The following FLNC variants were observed in gnomAD, a reference collection of about 807,000 sequenced individuals.
FLNC encodes filamin-C.
Under a neutral mutation model 254.3 loss-of-function variants are expected in FLNC, and 91 were observed. That is an observed-to-expected ratio of 0.36 (90% CI 0.30 to 0.43). The LOEUF (loss-of-function observed/expected upper bound fraction) is 0.43, where lower values mean the gene tolerates loss of function less well. Ranked by LOEUF, FLNC falls within the 20% of genes least tolerant of loss-of-function variation. The pLI is 1.00. For synonymous variants in FLNC, 1,430 were observed against 1,577.2 expected (o/e 0.91, Z 2.21); for missense variants, 2,853 against 3,802.6 (o/e 0.75, Z 6.57).
In FLNC at chr7:128,844,203, T is replaced by G. The variant is rs1160980989; in HGVS notation, c.3129T>G (p.Asp1043Glu). Residue 1043 changes from aspartate to glutamate, a missense_variant, in exon 20 of 48, where the codon GAT becomes GAG. Asp to Glu is a conservative substitution (Grantham distance 45). Around this residue, in one of 10 missense-constraint regions of FLNC, gnomAD observed 1,573 missense variants for 1,883.5 expected, o/e 0.84. Transcript: ENST00000325888. The stretch of plus-strand genomic sequence containing the variant: ...CCTACAAGGTGGATATCACCTACGA[T>G]GGTCACCCGGTGCCTGGCAGCCCGT... ...EGPYKVDITY[D>E]GHPVPGSPFA... 6.2e-7 allele frequency: 1 copy of G among 1,612,906 alleles called. No individual in the cohort carries two copies. Among genetic ancestry groups the G allele is most frequent in the African/African-American group, 1.3e-5 (1 of 74,916 alleles).
chr7:128,848,433 C>T (rs1808656883), intron 26 of FLNC, 128 bp from the exon 27 acceptor site: 1 of 1,039,052 alleles, frequency 9.6e-7, no homozygotes, highest in Non-Finnish European at 1.5e-6. Context: ...GAACTGGTCC[C>T]TCCTCCCTGC....
At chr7:128,846,574 G>A in intron 23 of FLNC, 111 bp downstream of exon 23, 1 of 1,469,784 alleles carries the variant, frequency 6.8e-7, no homozygotes, top group African/African-American at 1.4e-5. Context: ...TCTCTCAGGG[G>A]TGAGGCAGGA....
intron 1 of FLNC, among the ~76,000 whole-genome samples, chr7:128,833,867 A>G (rs917373806): frequency 6.6e-6 from 1 of 151,922 alleles, no homozygotes; most frequent in Admixed American, 6.6e-5. Flanking sequence ...GAGCCAGGGG[A>G]AGGGGGTGGG....
chr7:128,853,662 G>T (rs1373409691), intron 38 of FLNC, 41 bp downstream of exon 38: 1 of 1,613,982 alleles, frequency 6.2e-7, no homozygotes, highest in Admixed American at 1.7e-5. Flanking sequence ...AGACAGGGAG[G>T]CCAGGAGGCT....
At chr7:128,849,060 C>T in intron 28 of FLNC, 78 bp downstream of exon 28, 3 of 1,594,284 alleles carry the variant, frequency 1.9e-6, no homozygotes, top group South Asian at 1.1e-5. Flanking sequence ...GCCTGGTCCC[C>T]AGGGGTCTGC....
In FLNC at chr7:128,858,714, C is replaced by T. The variant is rs1809179663; in HGVS notation, c.*191C>T. On this transcript the variant is annotated 3_prime_UTR_variant, in exon 48 of 48. Transcript: ENST00000325888. The surrounding 1 kb of genome is among the most constrained non-coding windows in gnomAD (Gnocchi z 6.7). The stretch of plus-strand genomic sequence containing the variant: ...CGCCCCAGGGGTTGGAGGACCTTGT[C>T]TGTGTCAGGACAGTGTCCCTCCCTG... 1.6e-6 allele frequency: 1 copy of T among 617,648 alleles called. No individual in the cohort carries two copies. Among genetic ancestry groups the T allele is most frequent in the Non-Finnish European group, 2.9e-6 (1 of 342,960 alleles). 38.3% of individuals were successfully genotyped at this position (617,648 alleles called of 1,614,324 possible). A position where few individuals can be genotyped will look rare whatever the true frequency, so the allele number is the denominator to read the frequency against.
chr7:128,850,217 C>G, intron 31 of FLNC, 143 bp downstream of exon 31: 1 of 921,666 alleles, frequency 1.1e-6, no homozygotes, highest in South Asian at 1.4e-5. Context: ...AGATGGAACC[C>G]CACTTGGGCA....
chr7:128,842,674 G>A lies in FLNC; in HGVS notation c.2365G>A (p.Val789Met), dbSNP rs1331629958. ...GGCCAATGAGCCCACCTACTTCACG[G>A]TGGACTGCAGCGAGGCGGGGCAAGG... ...LKANEPTYFT[V>M]DCSEAGQGDV... Residue 789 changes from valine (V) to methionine (M), a missense_variant, in exon 15 of 48, where the codon GTG (valine) becomes ATG (methionine). Transcript: ENST00000325888. The surrounding 1 kb of genome is among the most constrained non-coding windows in gnomAD (Gnocchi z 5.4). 6.4e-7 allele frequency: 1 copy of A among 1,556,448 alleles called. No individual in the cohort carries two copies. Among genetic ancestry groups the A allele is most frequent in the Non-Finnish European group, 8.7e-7 (1 of 1,149,748 alleles).
chr7:128,848,165 C>G, intron 26 of FLNC, 97 bp downstream of exon 26: 3 of 1,397,880 alleles, frequency 2.1e-6, no homozygotes, highest in Non-Finnish European at 3.0e-6. Flanking sequence ...CCTGGGAGAG[C>G]CTCTCCCAGC....
chr7:128,843,180 A>AG (rs746341397), intron 16 of FLNC, 49 bp from the exon 17 acceptor site: 22 of 1,508,758 alleles, frequency 1.5e-5, no homozygotes, highest in Middle Eastern at 1.9e-4. Context: ...AGCTGAGAGC[A>AG]GGGGTGTGTT....
Position 128,830,437 on chromosome 7 carries a change from G to A in FLNC, c.-201G>A. ...CCCGAGCACCGCTCCGGCCCTGGAGGGAGAGAGAGCCAGAGAGCGGCCGAG... is the reference window on the plus strand; with the variant it reads ...CCCGAGCACCGCTCCGGCCCTGGAGAGAGAGAGAGCCAGAGAGCGGCCGAG... On this transcript the variant is annotated 5_prime_UTR_variant, in exon 1 of 48. Coordinates refer to ENST00000325888, the MANE Select transcript of FLNC (RefSeq NM_001458.5). 1.7e-6 allele frequency: 1 copy of A among 599,228 alleles called. No homozygotes were observed. The highest frequency in any genetic ancestry group is 2.9e-6 in the Non-Finnish European group (1 of 339,930). The allele number at this position is 599,228 out of a possible 1,614,324, so 37.1% of individuals were successfully genotyped here.
At position 128,841,358 on chromosome 7, in the gene FLNC, G is replaced by A. The variant is rs764330547; in HGVS notation, c.2002G>A (p.Asp668Asn). 1 of 1,613,820 alleles carries A rather than the reference G, an allele frequency of 6.2e-7. No individual in the cohort carries two copies. Among genetic ancestry groups the A allele is most frequent in the Non-Finnish European group, 8.5e-7 (1 of 1,179,968 alleles). Residue 668 changes from aspartate to asparagine, a missense_variant, in exon 12 of 48, where the codon GAT (aspartate) becomes AAT (asparagine). Transcript: ENST00000325888. This position sits in a 1 kb window ranked among gnomAD's most constrained non-coding sequence, Gnocchi z 4.3. The stretch of plus-strand genomic sequence containing the variant: ...GCCCGCCCCACCTGACTGCTTCCCA[G>A]ATAAGGTGTGGTCCCAGCTCACACA... Reference protein sequence around the residue: ...ILPAPPDCFPDKVKAFGPGLE... With the variant: ...ILPAPPDCFPNKVKAFGPGLE...
At chr7:128,850,611 CA>C in intron 32 of FLNC, 128 bp downstream of exon 32, 1 of 1,181,742 alleles carries the variant, frequency 8.5e-7, no homozygotes, top group East Asian at 2.5e-5. Context: ...GGTCACACAG[CA>C]AGTTGGGCAG....
Position 128,848,936 on chromosome 7 carries a change from C to T in FLNC, c.4881C>T (p.Arg1627=), listed in dbSNP as rs1318563426. Residue 1627 remains arginine, a synonymous_variant, in exon 28 of 48, where the codon CGC becomes CGT. Coordinates refer to ENST00000325888, the MANE Select transcript of FLNC (RefSeq NM_001458.5). ...ATGAGATCCCCTACTCGCCCTTCCGCATCCATGCTCTGCCCACTGGGGATG... is the reference window on the plus strand; with the variant it reads ...ATGAGATCCCCTACTCGCCCTTCCGTATCCATGCTCTGCCCACTGGGGATG... ...GGDEIPYSPF[R]IHALPTGDAS... 1.9e-6 allele frequency: 3 copies of T among 1,613,568 alleles called. No individual in the cohort carries two copies. The highest frequency in any genetic ancestry group is 2.2e-5 in the East Asian group (1 of 44,890).
At chr7:128,851,114 G>C in intron 33 of FLNC, 118 bp from the exon 34 acceptor site, 12 of 1,559,206 alleles carry the variant, frequency 7.7e-6, no homozygotes, top group Non-Finnish European at 1.1e-5. Context: ...CCACCAGCTG[G>C]GTCCCTACGG....
In FLNC at chr7:128,848,543, T is replaced by A. The variant is rs751678836; in HGVS notation, c.4581-18T>A. 3 of 1,613,302 alleles carry A rather than the reference T, an allele frequency of 1.9e-6. No individual in the cohort carries two copies. The highest frequency in any genetic ancestry group is 2.5e-6 in the Non-Finnish European group (3 of 1,179,948). The stretch of plus-strand genomic sequence containing the variant: ...TCCATGCCACCCAGCCAACTGTTTA[T>A]CCCTTCTGCTCCTCAAGCCCCTTCA... On this transcript the variant is annotated intron_variant, in intron 26 of 47. Transcript: ENST00000325888.
intron 1 of FLNC, among the ~76,000 whole-genome samples, chr7:128,833,960 G>A (rs1016656670): frequency 6.6e-6 from 1 of 152,178 alleles, no homozygotes; most frequent in Admixed American, 6.5e-5. Flanking sequence ...CAGAGGGACA[G>A]GGAGACTGAG....
At chr7:128,849,110 T>C (rs1808695790) in intron 28 of FLNC, 71 bp from the exon 29 acceptor site, 90 of 821,756 alleles carry the variant, frequency 1.1e-4, no homozygotes, top group Non-Finnish European at 1.6e-4. Context: ...GGCCCCTCCC[T>C]CCCTCACCCC....
intron 24 of FLNC, among the ~76,000 whole-genome samples, chr7:128,847,389 T>C (rs577927176): frequency 6.6e-6 from 1 of 152,402 alleles, no homozygotes; most frequent in South Asian, 2.1e-4. Context: ...TTTTATTATT[T>C]CAGCCACAGT....
Sources: allele counts gnomAD v4.1 joint callset (sites outside exome capture counted in the v4.1 genomes callset), GRCh38; gene constraint gnomAD v4.1.1; regional missense constraint gnomAD v4.1.1; non-coding constraint Gnocchi (gnomAD v3.1); transcripts MANE v1.5; gene names NCBI Gene and HGNC (gene_info 2026-07-23, HGNC 2026-07-21).